The following DDHD1 variants were observed in gnomAD, a reference collection of about 807,000 sequenced individuals.
DDHD1 encodes the protein phospholipase DDHD1.
DDHD1 carries 49 observed loss-of-function variants against 96.4 expected under a neutral mutation model. That is an observed-to-expected ratio of 0.51 (90% CI 0.40 to 0.64). The LOEUF is 0.64. Among genes scored for constraint, DDHD1 ranks in the 30% least tolerant of loss-of-function variants. The pLI is 0.00. For synonymous variants in DDHD1, 442 were observed against 446.5 expected (o/e 0.99, Z 0.13); for missense variants, 1,106 against 1,161.2 (o/e 0.95, Z 0.69).
chr14:53,103,137 T>A (rs1440321420), intron 2 of DDHD1: 1 of 1,391,884 alleles, frequency 7.2e-7, no homozygotes, highest in Middle Eastern at 1.8e-4. Context: ...AATGAAAATG[T>A]GGCAATCTTA....
chr14:53,131,178 T>C (rs1889838760), intron 1 of DDHD1, among the ~76,000 whole-genome samples: 1 of 152,202 alleles, frequency 6.6e-6, no homozygotes, highest in Non-Finnish European at 1.5e-5. Flanking sequence ...CTAAATTATC[T>C]GCTTCCCTGA....
intron 7 of DDHD1, among the ~76,000 whole-genome samples, chr14:53,061,528 T>C (rs531287439): frequency 6.6e-6 from 1 of 152,204 alleles, no homozygotes; most frequent in Non-Finnish European, 1.5e-5. Flanking sequence ...TTCTCTCTTT[T>C]CTATACTTAA....
At chr14:53,061,642 C>T (rs1225098647) in intron 7 of DDHD1, among the ~76,000 whole-genome samples, 4 of 152,102 alleles carry the variant, frequency 2.6e-5, no homozygotes, top group African/African-American at 9.7e-5. Flanking sequence ...TAGTCTAACC[C>T]TTCTGTTGAT....
At chr14:53,131,010 T>C (rs1162185204) in intron 1 of DDHD1, among the ~76,000 whole-genome samples, 3 of 152,320 alleles carry the variant, frequency 2.0e-5, no homozygotes, top group South Asian at 4.2e-4. Flanking sequence ...ACGGCCTGTT[T>C]CCCTTGTCTC....
Position 53,041,586 on chromosome 14 carries a change from T to C in DDHD1, c.*5182A>G, listed in dbSNP as rs1881656073. 1 of 152,246 alleles carries C rather than the reference T, an allele frequency of 6.6e-6. No individual in the cohort carries two copies. The highest frequency in any genetic ancestry group is 2.4e-5 in the African/African-American group (1 of 41,468). 9.4% of individuals were successfully genotyped at this position (152,246 alleles called of 1,614,324 possible). On this transcript the variant is annotated 3_prime_UTR_variant, in exon 13 of 13. Coordinates refer to ENST00000673822, the MANE Select transcript of DDHD1 (RefSeq NM_001160148.2). ...AGGAATGTTAAACATTAGTTAACAC[T>C]GTGCAACTTGTTTCCTTAAGTTTGC... is the stretch of plus-strand genomic sequence containing the variant.
chr14:53,047,205 C>CT (rs1882091648), intron 12 of DDHD1, among the ~76,000 whole-genome samples: 1 of 152,092 alleles, frequency 6.6e-6, no homozygotes, highest in South Asian at 2.1e-4. Context: ...AAAAAAATCA[C>CT]TTGGCATATC....
intron 4 of DDHD1, among the ~76,000 whole-genome samples, chr14:53,075,972 C>G (rs908813772): frequency 1.3e-5 from 2 of 152,078 alleles, no homozygotes; most frequent in Non-Finnish European, 2.9e-5. Flanking sequence ...GGTTACTGCC[C>G]GCTGACAATG....
At chr14:53,149,625 G>A (rs1425844145) in intron 1 of DDHD1, among the ~76,000 whole-genome samples, 1 of 152,146 alleles carries the variant, frequency 6.6e-6, no homozygotes, top group East Asian at 1.9e-4. Flanking sequence ...TTATACAAGG[G>A]CTTGGACATC....
chr14:53,104,156 T>C (rs1339367987), intron 1 of DDHD1, among the ~76,000 whole-genome samples: 1 of 152,184 alleles, frequency 6.6e-6, no homozygotes, highest in African/African-American at 2.4e-5. Context: ...CTGGTCTGAC[T>C]GGTCTCAAAC....
chr14:53,152,174 C>T, intron 1 of DDHD1, 87 bp downstream of exon 1: 1 of 1,353,290 alleles, frequency 7.4e-7, no homozygotes. Flanking sequence ...CCTCCCTCTT[C>T]GCGGCGACCA....
At chr14:53,107,134 T>C (rs1484991434) in intron 1 of DDHD1, among the ~76,000 whole-genome samples, 1 of 152,338 alleles carries the variant, frequency 6.6e-6, no homozygotes, top group Admixed American at 6.5e-5. Flanking sequence ...AAGCCTTAAA[T>C]AGTATTGAAC....
In DDHD1 at chr14:53,046,703, G is replaced by T. The variant is rs1882033387; in HGVS notation, c.*65C>A. 1.8e-6 allele frequency: 2 copies of T among 1,115,052 alleles called. No individual in the cohort carries two copies. The highest frequency in any genetic ancestry group is 2.2e-5 in the South Asian group (1 of 46,308). The allele number at this position is 1,115,052 out of a possible 1,614,324, so 69.1% of individuals were successfully genotyped here. The stretch of plus-strand genomic sequence containing the variant: ...TTTAACCCTGAAATCTCCGTATCTT[G>T]ACACACACATTTTAACGGAAAAAAA... On this transcript the variant is annotated 3_prime_UTR_variant, in exon 13 of 13. Transcript: ENST00000673822.
intron 6 of DDHD1, among the ~76,000 whole-genome samples, chr14:53,065,135 A>G (rs1180406438): frequency 6.6e-6 from 1 of 152,212 alleles, no homozygotes; most frequent in African/African-American, 2.4e-5. Context: ...TCAAAAGTTT[A>G]AAACAATTTC....
chr14:53,055,236 C>T (rs1361294708), intron 10 of DDHD1, among the ~76,000 whole-genome samples: 2 of 152,180 alleles, frequency 1.3e-5, no homozygotes, highest in African/African-American at 2.4e-5. Flanking sequence ...CCTTGTTGCC[C>T]TCAGGAATCA....
At chr14:53,063,830 TA>T (rs1165615430) in intron 6 of DDHD1, among the ~76,000 whole-genome samples, 1 of 152,144 alleles carries the variant, frequency 6.6e-6, no homozygotes, top group Non-Finnish European at 1.5e-5. Context: ...AGGGCTATTT[TA>T]AGTTTAGAGG....
chr14:53,117,738 A>G (rs1239388561), intron 1 of DDHD1, among the ~76,000 whole-genome samples: 1 of 152,228 alleles, frequency 6.6e-6, no homozygotes, highest in East Asian at 1.9e-4. Flanking sequence ...ACAGCTGAAC[A>G]AAAGGCAGCA....
intron 1 of DDHD1, among the ~76,000 whole-genome samples, chr14:53,112,351 A>T (rs907164638): frequency 2.6e-5 from 4 of 151,836 alleles, no homozygotes; most frequent in Non-Finnish European, 5.9e-5. Flanking sequence ...CAGAAGGCAG[A>T]GGTTGCAGTG....
chr14:53,116,715 G>A (rs1254677127), intron 1 of DDHD1, among the ~76,000 whole-genome samples: 1 of 152,168 alleles, frequency 6.6e-6, no homozygotes, highest in Admixed American at 6.6e-5. Flanking sequence ...CTGGGACACA[G>A]CTAAAGCGGT....
rs1385698210 is a variant in DDHD1 at position 53,045,563 on chromosome 14, T to C, written c.*1205A>G. On this transcript the variant is annotated 3_prime_UTR_variant, in exon 13 of 13. Transcript: ENST00000673822. ...CTGATTTCTGATGTAATCTAATTCA[T>C]GGCACTTTAAATGTTTTGGTGCCTT... 2 of 152,234 alleles carry C rather than the reference T, an allele frequency of 1.3e-5. No homozygotes were observed. Among genetic ancestry groups the C allele is most frequent in the Non-Finnish European group, 2.9e-5 (2 of 68,030 alleles). 9.4% of individuals were successfully genotyped at this position (152,234 alleles called of 1,614,324 possible). A position where few individuals can be genotyped will look rare whatever the true frequency, so the allele number is the denominator to read the frequency against.
Sources: allele counts gnomAD v4.1 joint callset (sites outside exome capture counted in the v4.1 genomes callset), GRCh38; gene constraint gnomAD v4.1.1; transcripts MANE v1.5; gene names NCBI Gene and HGNC (gene_info 2026-07-23, HGNC 2026-07-21).